Variants in FBRSL1 observed in about 807,000 individuals in gnomAD.
FBRSL1 encodes fibrosin-1-like protein.
Under a neutral mutation model 89.6 loss-of-function variants are expected in FBRSL1, and 51 were observed. The ratio of observed to expected loss-of-function variants is 0.57; its 90% CI spans 0.45 to 0.72. The LOEUF is 0.72. Ranked by LOEUF, FBRSL1 falls within the 30% of genes least tolerant of loss-of-function variation. The probability of loss-of-function intolerance (pLI) is 0.00; values close to 1 mark genes in which losing one functional copy is unlikely to be tolerated. For missense variants in FBRSL1, 1,618 were observed against 1,451.8 expected, an observed-to-expected ratio of 1.11 and a Z score of -1.86; for synonymous variants, 779 against 681.1, an observed-to-expected ratio of 1.14 and a Z score of -2.24.
chr12:132,500,223 C>T (rs1448161320), intron 1 of FBRSL1, among the ~76,000 whole-genome samples: 1 of 152,172 alleles, frequency 6.6e-6, no homozygotes, highest in Non-Finnish European at 1.5e-5. Flanking sequence ...CGCCACCTTC[C>T]CTCTGTTGAG....
chr12:132,549,142 G>A (rs765039511), intron 5 of FBRSL1, among the ~76,000 whole-genome samples: 3 of 152,216 alleles, frequency 2.0e-5, no homozygotes, highest in South Asian at 2.1e-4. Flanking sequence ...GTAAGTCGCC[G>A]TGGAAGCCAG....
intron 5 of FBRSL1, chr12:132,551,258 C>T (rs567281729): frequency 6.5e-5 from 25 of 384,752 alleles, no homozygotes; most frequent in African/African-American, 2.5e-4. Context: ...GGAAGGTCCC[C>T]GAGTGCCCAC....
At position 132,570,652 on chromosome 12, in the gene FBRSL1, C is replaced by T. The variant is rs999355166; in HGVS notation, c.1213+112C>T. 42 of 957,214 alleles carry T rather than the reference C, an allele frequency of 4.4e-5. No homozygotes were observed. The African/African-American group carries it at 6.1e-4, about 14-fold the overall frequency. 59.3% of individuals were successfully genotyped at this position (957,214 alleles called of 1,614,324 possible). ...CTCCACCTGCTGTGGTCTCTGCGGA[C>T]CCTGCGCGCCTCTCTGAGTGGTTCC... On this transcript the variant is annotated intron_variant, in intron 8 of 18. Coordinates refer to ENST00000680143, the MANE Select transcript of FBRSL1 (RefSeq NM_001367871.1).
chr12:132,536,023 GTGT>G (rs968704797), intron 4 of FBRSL1, among the ~76,000 whole-genome samples: 5 of 152,066 alleles, frequency 3.3e-5, no homozygotes, highest in Non-Finnish European at 5.9e-5. Context: ...TGTACATGGT[GTGT>G]TGTTTACATG....
intron 14 of FBRSL1, among the ~76,000 whole-genome samples, chr12:132,575,493 C>G (rs1163248784): frequency 4.6e-5 from 7 of 152,214 alleles, no homozygotes; most frequent in Admixed American, 6.5e-5. Flanking sequence ...TCCCAAAGTG[C>G]TGGGATTACA....
intron 2 of FBRSL1, among the ~76,000 whole-genome samples, chr12:132,515,073 C>T (rs993938883): frequency 2.6e-5 from 4 of 152,142 alleles, no homozygotes; most frequent in African/African-American, 9.7e-5. Context: ...TCTGTGAGTG[C>T]TTATCTCATG....
intron 1 of FBRSL1, among the ~76,000 whole-genome samples, chr12:132,492,937 A>G (rs1041324225): frequency 2.6e-5 from 4 of 152,224 alleles, no homozygotes; most frequent in African/African-American, 9.6e-5. Flanking sequence ...CAGATAATTC[A>G]TAATTATATC....
At chr12:132,574,231 G>A (rs1431696256) in intron 12 of FBRSL1, 73 bp downstream of exon 12, 7 of 1,444,468 alleles carry the variant, frequency 4.8e-6, no homozygotes, top group Non-Finnish European at 6.4e-6. Flanking sequence ...CGGGCTGGTG[G>A]CCACAGCAGA....
At chr12:132,507,909 C>G (rs956365478) in intron 1 of FBRSL1, among the ~76,000 whole-genome samples, 3 of 152,140 alleles carry the variant, frequency 2.0e-5, no homozygotes, top group Non-Finnish European at 2.9e-5. Context: ...TAAGCTTTTT[C>G]TCGTCTGGCC....
At chr12:132,567,114 C>T (rs1425769613) in intron 5 of FBRSL1, among the ~76,000 whole-genome samples, 1 of 152,202 alleles carries the variant, frequency 6.6e-6, no homozygotes, top group African/African-American at 2.4e-5. Context: ...GCAGGGCCCA[C>T]AGCTACTGGT....
At chr12:132,564,664 T>A (rs112953212) in intron 5 of FBRSL1, among the ~76,000 whole-genome samples, 1,165 of 88,970 alleles carry the variant, frequency 0.013, 261 homozygotes, top group African/African-American at 0.074. Flanking sequence ...CCCGGCTAAT[T>A]TTTTGTATTT....
intron 1 of FBRSL1, among the ~76,000 whole-genome samples, chr12:132,495,399 C>T (rs2031846110): frequency 6.6e-6 from 1 of 152,210 alleles, no homozygotes; most frequent in Non-Finnish European, 1.5e-5. Flanking sequence ...TTGGTGGTGC[C>T]AGTGGGGGCT....
rs993041072 is a variant in FBRSL1 at position 132,546,823 on chromosome 12, G to C, written c.616-1180G>C. Among the ~76,000 whole-genome samples, 1 of 152,328 alleles carries C rather than the reference G, an allele frequency of 6.6e-6. No homozygotes were observed. Among genetic ancestry groups the C allele is most frequent in the Non-Finnish European group, 1.5e-5 (1 of 68,018 alleles). ...CATGCGCTGGGAGCAGCACGTTCTC[G>C]CTGCAGAGTGTCTGCTAAAGCGCAT... On this transcript the variant is annotated intron_variant, in intron 4 of 18. Transcript: ENST00000680143. This position sits in a 1 kb window ranked among gnomAD's most constrained non-coding sequence, Gnocchi z 4.0.
chr12:132,549,710 G>A (rs564438073), intron 5 of FBRSL1, among the ~76,000 whole-genome samples: 37 of 152,310 alleles, frequency 2.4e-4, no homozygotes, highest in African/African-American at 8.7e-4. Flanking sequence ...TGGAGTCGGC[G>A]ATGCCGGCGG....
intron 5 of FBRSL1, among the ~76,000 whole-genome samples, chr12:132,566,919 G>A (rs1014207749): frequency 3.9e-5 from 6 of 151,948 alleles, no homozygotes; most frequent in Admixed American, 1.3e-4. Context: ...CACCAGGCCT[G>A]GAGCTCAGCC....
chr12:132,543,626 C>T (rs143324984), intron 4 of FBRSL1, among the ~76,000 whole-genome samples: 2 of 148,894 alleles, frequency 1.3e-5, no homozygotes, highest in African/African-American at 5.0e-5. Flanking sequence ...CATGTGCCCC[C>T]CTACCCAGCT....
At chr12:132,515,899 CAAAAAAAAAAAA>C in intron 2 of FBRSL1, among the ~76,000 whole-genome samples, 1 of 65,618 alleles carries the variant, frequency 1.5e-5, no homozygotes, top group East Asian at 4.1e-4. Flanking sequence ...GACTCCGTCT[CAAAAAAAAAAAA>C]AAAAAAAAAA....
In FBRSL1 at chr12:132,509,438, C is replaced by T. The variant is rs899969740; in HGVS notation, c.489+1088C>T. On this transcript the variant is annotated intron_variant, in intron 2 of 18. Transcript: ENST00000680143. ...TGGGCCCCGGTCAGCCCTGCCGGCC[C>T]CAGCGGCTCCTTCCATCCCCAGATC... The T allele has an allele frequency of 4.0e-6, 5 of 1,240,918 alleles. No individual in the cohort carries two copies. The East Asian group carries it at 9.5e-5, about 23-fold the overall frequency. 76.9% of individuals were successfully genotyped at this position (1,240,918 alleles called of 1,614,324 possible).
chr12:132,542,010 C>T (rs552201481), intron 4 of FBRSL1, among the ~76,000 whole-genome samples: 3 of 152,158 alleles, frequency 2.0e-5, no homozygotes, highest in South Asian at 4.1e-4. Context: ...GCACAGGTGG[C>T]GCAGGTGGTC....
Sources: gnomAD v4.1 joint callset for allele counts (sites outside exome capture counted in the v4.1 genomes callset) on GRCh38, gnomAD v4.1.1 for gene constraint, Gnocchi (gnomAD v3.1) non-coding constraint, MANE v1.5 for transcripts, NCBI Gene and HGNC (gene_info 2026-07-23, HGNC 2026-07-21) for gene names.